Variants in PCDHA7 observed in about 807,000 individuals in gnomAD.
PCDHA7 encodes the protein protocadherin alpha 7.
A neutral mutation model predicts 57.2 loss-of-function variants in PCDHA7; 37 were observed. That is an observed-to-expected ratio of 0.65 (90% CI 0.50 to 0.85). PCDHA7 has a LOEUF of 0.85. Among genes scored for constraint, PCDHA7 ranks in the 40% least tolerant of loss-of-function variants. The pLI, the probability that PCDHA7 is intolerant of heterozygous loss-of-function variation, is 0.00. For missense variants in PCDHA7, 1,188 were observed against 1,241.8 expected, an observed-to-expected ratio of 0.96 and a Z score of 0.65; for synonymous variants, 553 against 558.8, an observed-to-expected ratio of 0.99 and a Z score of 0.15.
chr5:140,954,537 T>C (rs2095052425), intron 1 of PCDHA7, among the ~76,000 whole-genome samples: 1 of 152,268 alleles, frequency 6.6e-6, no homozygotes, highest in Non-Finnish European at 1.5e-5. Flanking sequence ...TTGAGGTTTT[T>C]TTCATATGTT....
At chr5:140,892,553 C>T (rs2063570808) in intron 1 of PCDHA7, among the ~76,000 whole-genome samples, 1 of 152,170 alleles carries the variant, frequency 6.6e-6, no homozygotes, top group South Asian at 2.1e-4. Flanking sequence ...TTTCTCTAGT[C>T]CTTGGAGACT....
intron 1 of PCDHA7, chr5:140,849,556 C>T: frequency 6.3e-7 from 1 of 1,598,518 alleles, no homozygotes; most frequent in Non-Finnish European, 8.6e-7. Context: ...ACTATCAAAA[C>T]GCTCTCGGTT....
At chr5:140,851,809 T>TA in intron 1 of PCDHA7, 1 of 948,344 alleles carries the variant, frequency 1.1e-6, no homozygotes, top group Non-Finnish European at 1.3e-6. Flanking sequence ...CAGTAATCCA[T>TA]AAGACAGAAA....
At chr5:140,973,833 T>C (rs1332537198) in intron 1 of PCDHA7, among the ~76,000 whole-genome samples, 1 of 152,242 alleles carries the variant, frequency 6.6e-6, no homozygotes, top group Non-Finnish European at 1.5e-5. Context: ...TCTGGGTACT[T>C]GCTTGTTGCC....
intron 1 of PCDHA7, chr5:140,850,311 T>G: frequency 1.9e-6 from 3 of 1,597,000 alleles, no homozygotes; most frequent in Non-Finnish European, 2.6e-6. Context: ...CTACAACGCG[T>G]GGCTTTCATA....
At chr5:140,941,412 G>A (rs246068) in intron 1 of PCDHA7, among the ~76,000 whole-genome samples, 46,949 of 148,492 alleles carry the variant, frequency 0.32, 7,794 homozygotes, top group East Asian at 0.53. Context: ...CGCCTCCCGG[G>A]TTCAAGCAAT....
At chr5:141,006,837 TG>T (rs1477008780) in intron 3 of PCDHA7, among the ~76,000 whole-genome samples, 2 of 152,186 alleles carry the variant, frequency 1.3e-5, no homozygotes, top group African/African-American at 4.8e-5. Context: ...TGTAATTTAC[TG>T]AAACTGGAAA....
At chr5:140,965,521 G>A (rs1554227745) in intron 1 of PCDHA7, among the ~76,000 whole-genome samples, 2 of 150,836 alleles carry the variant, frequency 1.3e-5, no homozygotes, top group East Asian at 3.9e-4. Flanking sequence ...TAACTGCAAA[G>A]CATTAATGGA....
chr5:140,918,234 T>G (rs1188816850), intron 1 of PCDHA7, among the ~76,000 whole-genome samples: 1 of 152,210 alleles, frequency 6.6e-6, no homozygotes, highest in Non-Finnish European at 1.5e-5. Context: ...TTTTGTACAT[T>G]GATTTTGTAT....
At chr5:141,000,415 ATATATATTTTTT>A (rs1251582263) in intron 3 of PCDHA7, among the ~76,000 whole-genome samples, 1 of 87,388 alleles carries the variant, frequency 1.1e-5, no homozygotes, top group East Asian at 3.4e-4. Context: ...ATATATATAT[ATATATATTTTTT>A]TTTTTTTTTT....
chr5:140,990,342 C>A (rs2097389388), intron 3 of PCDHA7, among the ~76,000 whole-genome samples: 1 of 152,124 alleles, frequency 6.6e-6, no homozygotes, highest in Non-Finnish European at 1.5e-5. Flanking sequence ...TAAGTAAAGC[C>A]TGCCCTGTAC....
At position 140,852,782 on chromosome 5, in the gene PCDHA7, A is replaced by T. The variant is rs2042471437; in HGVS notation, c.2355+16044A>T. ...GTATCTGATTATTTGATGTGAATAG[A>T]GGGATGCTACAGATGTCATTTGTCT... On this transcript the variant is annotated intron_variant, in intron 1 of 3. Transcript: ENST00000525929. 4 of 979,406 alleles carry T rather than the reference A, an allele frequency of 4.1e-6. No homozygotes were observed. In the South Asian group the frequency reaches 1.9e-4, roughly 47 times the overall value. 60.7% of individuals were successfully genotyped at this position (979,406 alleles called of 1,614,324 possible). A position where few individuals can be genotyped will look rare whatever the true frequency, so the allele number is the denominator to read the frequency against.
intron 1 of PCDHA7, 43 bp downstream of exon 1, chr5:140,836,781 T>C: frequency 6.7e-7 from 1 of 1,482,902 alleles, no homozygotes; most frequent in South Asian, 1.3e-5. Flanking sequence ...TTAAAACAAT[T>C]AGTTCAATTG....
chr5:140,995,764 G>C (rs2097697128), intron 3 of PCDHA7, among the ~76,000 whole-genome samples: 1 of 152,134 alleles, frequency 6.6e-6, no homozygotes, highest in Non-Finnish European at 1.5e-5. Flanking sequence ...AGAAAATGTG[G>C]AGAGTGAAGG....
rs2150260051 is a variant in PCDHA7, at chr5:140,836,413, A to C, written c.2030A>C (p.Lys677Thr). Residue 677 changes from lysine (K) to threonine (T), a missense_variant, in exon 1 of 4, where the codon AAG (lysine) becomes ACG (threonine). By Grantham distance (78) the Lys-to-Thr change is moderately conservative. This residue lies in a region of PCDHA7 where 892 missense variants were observed against 788.5 expected (regional missense o/e 1.13). Coordinates refer to ENST00000525929, the MANE Select transcript of PCDHA7 (RefSeq NM_018910.3). ...VSLVESGQAP[K>T]ASSRASLGIA... ...CTGGTGGAAAGCGGCCAGGCACCAA[A>C]GGCGTCGTCGCGGGCATCGTTGGGC... The C allele has an allele frequency of 1.9e-6, 3 of 1,613,666 alleles. No individual in the cohort carries two copies. In the Admixed American group the frequency reaches 5.0e-5, roughly 27 times the overall value.
intron 1 of PCDHA7, among the ~76,000 whole-genome samples, chr5:140,963,902 A>G (rs1227304928): frequency 6.6e-6 from 1 of 152,218 alleles, no homozygotes; most frequent in Non-Finnish European, 1.5e-5. Flanking sequence ...AAATGAGTAA[A>G]GTGAAGCTTA....
At chr5:140,937,291 C>T (rs940890612) in intron 1 of PCDHA7, among the ~76,000 whole-genome samples, 1 of 152,104 alleles carries the variant, frequency 6.6e-6, no homozygotes, top group African/African-American at 2.4e-5. Flanking sequence ...CCCGCTTCGG[C>T]CTCCCAAAGT....
intron 3 of PCDHA7, among the ~76,000 whole-genome samples, chr5:140,998,396 T>A (rs2097810780): frequency 6.6e-6 from 1 of 152,212 alleles, no homozygotes. Flanking sequence ...ATGCCATCTT[T>A]ATGCCAAAGT....
intron 1 of PCDHA7, among the ~76,000 whole-genome samples, chr5:140,973,020 T>A (rs1057155557): frequency 6.6e-6 from 1 of 152,120 alleles, no homozygotes; most frequent in Non-Finnish European, 1.5e-5. Flanking sequence ...TTGTGATTGT[T>A]AATGAGTCAC....
Sources: allele counts gnomAD v4.1 joint callset (sites outside exome capture counted in the v4.1 genomes callset), GRCh38; gene constraint gnomAD v4.1.1; regional missense constraint gnomAD v4.1.1; transcripts MANE v1.5; gene names NCBI Gene and HGNC (gene_info 2026-07-23, HGNC 2026-07-21).